PI4K2B: variants seen among roughly 807,000 people sequenced by gnomAD.
PI4K2B encodes the protein phosphatidylinositol 4-kinase type 2 beta, also known as phosphatidylinositol 4-kinase type 2-beta.
Under a neutral mutation model 56.6 loss-of-function variants are expected in PI4K2B, and 46 were observed. The ratio of observed to expected loss-of-function variants is 0.81; its 90% CI spans 0.64 to 1.04. The LOEUF is 1.04. PI4K2B is among the 50% of genes least tolerant of loss of function. The pLI, the probability that PI4K2B is intolerant of heterozygous loss-of-function variation, is 0.00. For missense variants in PI4K2B, 556 were observed against 607.7 expected (o/e 0.91, Z 0.89); for synonymous variants, 211 against 223.8 (o/e 0.94, Z 0.51).
chr4:25,245,275 G>A (rs545051872), intron 1 of PI4K2B, among the ~76,000 whole-genome samples: 19 of 152,190 alleles, frequency 1.2e-4, no homozygotes, highest in Non-Finnish European at 2.5e-4. Flanking sequence ...GAGCACCAGA[G>A]ACAGGTAGCA....
Position 25,234,143 on chromosome 4 carries a change from C to G in PI4K2B, c.-21C>G, listed in dbSNP as rs745944512. 1 of 1,319,306 alleles carries G rather than the reference C, an allele frequency of 7.6e-7. No homozygotes were observed. The highest frequency in any genetic ancestry group is 1.5e-5 in the African/African-American group (1 of 65,520). The allele number at this position is 1,319,306 out of a possible 1,614,324, so 81.7% of individuals were successfully genotyped here. On this transcript the variant is annotated 5_prime_UTR_variant, in exon 1 of 10. Transcript: ENST00000264864. ...TGGCTGCTCTGATCTGGTCTCAGCG[C>G]GGAGGGAGCAGAGGGAGTCCATGGA...
At chr4:25,261,339 T>C (rs1489779076) in intron 6 of PI4K2B, among the ~76,000 whole-genome samples, 1 of 152,186 alleles carries the variant, frequency 6.6e-6, no homozygotes, top group African/African-American at 2.4e-5. Context: ...GGTTTTAACA[T>C]ATATAATAGA....
At chr4:25,234,628 G>T (rs890698434) in intron 1 of PI4K2B, among the ~76,000 whole-genome samples, 197 bp downstream of exon 1, 1 of 152,244 alleles carries the variant, frequency 6.6e-6, no homozygotes, top group Non-Finnish European at 1.5e-5. Context: ...TTCTCCGGGA[G>T]CTCCCTCTCC....
intron 1 of PI4K2B, among the ~76,000 whole-genome samples, chr4:25,243,482 C>T (rs1358012395): frequency 1.3e-5 from 2 of 152,214 alleles, no homozygotes; most frequent in Non-Finnish European, 2.9e-5. Flanking sequence ...AAGGCTGCGG[C>T]CTTTCTCTGA....
chr4:25,255,076 T>C lies in PI4K2B; in HGVS notation c.435T>C (p.Gly145=). 2.5e-6 allele frequency: 4 copies of C among 1,611,630 alleles called. No homozygotes were observed. The highest frequency in any genetic ancestry group is 3.4e-6 in the Non-Finnish European group (4 of 1,177,816). The change falls in exon 3 of 10, where the codon GGT becomes GGC. Residue 145 remains glycine, a synonymous_variant. Transcript: ENST00000264864. ...CTTTTTTGCTCTAGAAAATTATTGGTGTGTTTAAACCCAAATCAGAAGAGC... is the reference window on the plus strand; with the variant it reads ...CTTTTTTGCTCTAGAAAATTATTGGCGTGTTTAAACCCAAATCAGAAGAGC... The part of the protein sequence containing the change: ...FVKDPKRKII[G]VFKPKSEEPY...
At chr4:25,269,404 A>G (rs1416731012) in intron 9 of PI4K2B, among the ~76,000 whole-genome samples, 1 of 152,146 alleles carries the variant, frequency 6.6e-6, no homozygotes, top group Non-Finnish European at 1.5e-5. Context: ...TGGGAGGCCA[A>G]GGCGGGTGAA....
intron 2 of PI4K2B, chr4:25,254,307 G>A (rs867453783): frequency 2.3e-6 from 1 of 441,770 alleles, no homozygotes; most frequent in Non-Finnish European, 3.0e-6. Context: ...TTAATGTGGG[G>A]AAAGTAAACA....
rs375277649 is a variant in PI4K2B at position 25,244,856 on chromosome 4, TGACCCTTACC to T, written c.269-7451_269-7442del. On this transcript the variant is annotated intron_variant, in intron 1 of 9. Transcript: ENST00000264864. The stretch of plus-strand genomic sequence containing the variant: ...TGCTGATTGGAATAGTTGTGCTTAG[TGACCCTTACC>T]GACCCTTACCGACGCATTCTCAAAA... Among the ~76,000 whole-genome samples, 179 of 152,306 alleles carry T rather than the reference TGACCCTTACC, an allele frequency of 1.2e-3. 2 individuals are homozygous for T. In the South Asian group the frequency reaches 0.021, roughly 18 times the overall value.
chr4:25,270,579 C>A (rs1716849595), intron 9 of PI4K2B, among the ~76,000 whole-genome samples: 1 of 152,096 alleles, frequency 6.6e-6, no homozygotes, highest in Non-Finnish European at 1.5e-5. Context: ...AACTCCTGAC[C>A]TTGTGATCCA....
At chr4:25,250,026 C>T (rs970128616) in intron 1 of PI4K2B, among the ~76,000 whole-genome samples, 13 of 152,150 alleles carry the variant, frequency 8.5e-5, no homozygotes, top group Non-Finnish European at 1.0e-4. Flanking sequence ...GAGACCAGCC[C>T]GGCCAACACG....
chr4:25,234,667 T>C (rs1036944075), intron 1 of PI4K2B, among the ~76,000 whole-genome samples: 2 of 152,214 alleles, frequency 1.3e-5, no homozygotes, highest in Admixed American at 1.3e-4. Context: ...TTAAACCGAT[T>C]CTTTAGACCT....
chr4:25,267,859 T>G, intron 7 of PI4K2B: 4 of 983,158 alleles, frequency 4.1e-6, no homozygotes, highest in Non-Finnish European at 4.8e-6. Flanking sequence ...GAACATCTTC[T>G]GTGTACAAGT....
intron 6 of PI4K2B, 111 bp from the exon 7 acceptor site, chr4:25,263,639 G>A (rs1230451516): frequency 8.5e-6 from 4 of 468,532 alleles, no homozygotes; most frequent in African/African-American, 8.1e-5. Flanking sequence ...ATTTTTATAG[G>A]CTCATCCGAG....
rs139745302 is a variant in PI4K2B, at chr4:25,259,641, G to T, written c.910+451G>T. ...CTTTTGGCTTCCCTGGGCCACACTGGAAGAAGAATTGTCTTGGGCCACACA... is the reference window on the plus strand; with the variant it reads ...CTTTTGGCTTCCCTGGGCCACACTGTAAGAAGAATTGTCTTGGGCCACACA... On this transcript the variant is annotated intron_variant, in intron 5 of 9. Coordinates refer to ENST00000264864, the MANE Select transcript of PI4K2B (RefSeq NM_018323.4). 7.6e-4 allele frequency among the ~76,000 whole-genome samples: 115 copies of T among 152,030 alleles called. 2 individuals are homozygous for T. The East Asian group carries it at 0.019, about 25-fold the overall frequency.
chr4:25,265,582 C>A (rs1716637200), intron 7 of PI4K2B, among the ~76,000 whole-genome samples: 1 of 152,102 alleles, frequency 6.6e-6, no homozygotes, highest in African/African-American at 2.4e-5. Context: ...CTCATATTTT[C>A]TGACTTTCTT....
chr4:25,236,157 C>T (rs1282307790), intron 1 of PI4K2B, among the ~76,000 whole-genome samples: 2 of 151,694 alleles, frequency 1.3e-5, no homozygotes, highest in Non-Finnish European at 2.9e-5. Context: ...TTATTCTCCA[C>T]TGCACTCCAG....
chr4:25,256,640 G>T lies in PI4K2B; in HGVS notation c.722G>T (p.Gly241Val), dbSNP rs1716273227. 1 of 1,613,728 alleles carries T rather than the reference G, an allele frequency of 6.2e-7. No homozygotes were observed. The highest frequency in any genetic ancestry group is 1.3e-5 in the African/African-American group (1 of 74,864). Residue 241 changes from glycine to valine, a missense_variant, in exon 4 of 10, where the codon GGT (glycine) becomes GTT (valine). Transcript: ENST00000264864. Reference sequence around the variant, plus strand: ...GCTTTAGAAAAAGTGCCAAAAGTGGGTAGAAAGTTTCATAGGATAGGACTC... The same window carrying T: ...GCTTTAGAAAAAGTGCCAAAAGTGGTTAGAAAGTTTCATAGGATAGGACTC... ...KYALEKVPKV[G>V]RKFHRIGLPP...
At chr4:25,245,499 G>A (rs894172190) in intron 1 of PI4K2B, among the ~76,000 whole-genome samples, 3 of 152,052 alleles carry the variant, frequency 2.0e-5, no homozygotes, top group South Asian at 2.1e-4. Context: ...GTCGACCCTC[G>A]GCTCAGCCCA....
chr4:25,262,221 G>C (rs1434469762), intron 6 of PI4K2B, among the ~76,000 whole-genome samples: 1 of 152,132 alleles, frequency 6.6e-6, no homozygotes, highest in Non-Finnish European at 1.5e-5. Context: ...GGCACCTGTG[G>C]TCCCAGCTAT....
Sources: gnomAD v4.1 joint callset for allele counts (sites outside exome capture counted in the v4.1 genomes callset) on GRCh38, gnomAD v4.1.1 for gene constraint, MANE v1.5 for transcripts, NCBI Gene and HGNC (gene_info 2026-07-23, HGNC 2026-07-21) for gene names.